Variants in EIF2AK3 observed in about 807,000 individuals in gnomAD.
EIF2AK3 encodes eukaryotic translation initiation factor 2-alpha kinase 3.
In EIF2AK3, 50 loss-of-function variants were observed where a neutral mutation model predicts 113.5. That is an observed-to-expected ratio of 0.44 (90% CI 0.35 to 0.56). The LOEUF (loss-of-function observed/expected upper bound fraction) is 0.56, where lower values mean the gene tolerates loss of function less well. EIF2AK3 is among the 20% of genes least tolerant of loss of function. The probability of loss-of-function intolerance (pLI) is 0.00; values close to 1 mark genes in which losing one functional copy is unlikely to be tolerated. For missense variants in EIF2AK3, 1,185 were observed against 1,378.0 expected (o/e 0.86, Z 2.22); for synonymous variants, 448 against 495.4 (o/e 0.90, Z 1.27).
chr2:88,611,372 G>C (rs1255093640), intron 2 of EIF2AK3, among the ~76,000 whole-genome samples: 1 of 152,124 alleles, frequency 6.6e-6, no homozygotes, highest in Non-Finnish European at 1.5e-5. Context: ...ACAATGCTGG[G>C]AACAACGTTA....
At position 88,586,083 on chromosome 2, in the gene EIF2AK3, CG is replaced by C. The variant is rs111258680; in HGVS notation, c.1430-23del. 3.3e-3 allele frequency: 5,240 copies of C among 1,603,250 alleles called. 141 individuals carry two copies. The African/African-American group carries it at 0.057, about 18-fold the overall frequency. On this transcript the variant is annotated intron_variant, in intron 8 of 16. Transcript: ENST00000303236. ...TTATCTTCAAATAGAAACATTAAAA[CG>C]TTTTTTTTAAAGGTAATCAAAAATA...
At chr2:88,583,652 GA>G in intron 9 of EIF2AK3, 110 bp from the exon 10 acceptor site, 1 of 801,546 alleles carries the variant, frequency 1.2e-6, no homozygotes, top group South Asian at 1.5e-5. Context: ...GTAGCATCAA[GA>G]AAAATAAAAG....
chr2:88,608,453 C>T (rs1221429679), intron 2 of EIF2AK3, among the ~76,000 whole-genome samples: 3 of 152,102 alleles, frequency 2.0e-5, no homozygotes, highest in Non-Finnish European at 4.4e-5. Flanking sequence ...TTTATTGTTA[C>T]CTGGGAGGTG....
intron 10 of EIF2AK3, among the ~76,000 whole-genome samples, chr2:88,582,641 T>C (rs1674628408): frequency 2.0e-5 from 3 of 152,202 alleles, no homozygotes; most frequent in Non-Finnish European, 4.4e-5. Context: ...TATATAAAGA[T>C]ATATGCCTAT....
intron 8 of EIF2AK3, among the ~76,000 whole-genome samples, chr2:88,587,666 T>C (rs912220097): frequency 1.3e-5 from 2 of 152,202 alleles, no homozygotes; most frequent in Admixed American, 1.3e-4. Flanking sequence ...ACGTATGATG[T>C]TAACTGAGAC....
chr2:88,558,595 G>C (rs1334555922), intron 16 of EIF2AK3, among the ~76,000 whole-genome samples: 3 of 152,120 alleles, frequency 2.0e-5, no homozygotes, highest in African/African-American at 4.8e-5. Context: ...AATACTGAAA[G>C]ATAAATTTTG....
intron 3 of EIF2AK3, 127 bp from the exon 4 acceptor site, chr2:88,593,532 A>G: frequency 4.6e-6 from 5 of 1,092,746 alleles, no homozygotes; most frequent in Non-Finnish European, 5.3e-6. Context: ...GAAGTACTCA[A>G]GTCATAAGAA....
At chr2:88,598,411 A>T (rs1436473981) in intron 2 of EIF2AK3, among the ~76,000 whole-genome samples, 9 of 152,208 alleles carry the variant, frequency 5.9e-5, no homozygotes, top group Non-Finnish European at 1.3e-4. Context: ...TAATACCTTG[A>T]TTGGATAACC....
chr2:88,565,496 C>G (rs1414806864), intron 14 of EIF2AK3, among the ~76,000 whole-genome samples: 7 of 151,936 alleles, frequency 4.6e-5, no homozygotes, highest in African/African-American at 2.4e-5. Flanking sequence ...CATACACCAC[C>G]ATGCCCAGCT....
At chr2:88,583,609 G>A (rs1213713951) in intron 9 of EIF2AK3, 67 bp from the exon 10 acceptor site, 1 of 1,139,360 alleles carries the variant, frequency 8.8e-7, no homozygotes, top group Non-Finnish European at 1.3e-6. Flanking sequence ...ACAATTTTAG[G>A]TTATAAAATA....
At chr2:88,582,750 A>T (rs1057335128) in intron 10 of EIF2AK3, among the ~76,000 whole-genome samples, 9 of 152,160 alleles carry the variant, frequency 5.9e-5, no homozygotes, top group African/African-American at 2.2e-4. Context: ...CCATAAAATC[A>T]TTACCCTAGA....
intron 1 of EIF2AK3, among the ~76,000 whole-genome samples, chr2:88,618,341 G>A (rs1199565166): frequency 6.6e-6 from 1 of 152,196 alleles, no homozygotes; most frequent in Non-Finnish European, 1.5e-5. Context: ...AGAATTGAAG[G>A]AACTGCAGAG....
chr2:88,601,834 C>CTTTTT (rs59987968), intron 2 of EIF2AK3, among the ~76,000 whole-genome samples: 22 of 74,862 alleles, frequency 2.9e-4, no homozygotes, highest in African/African-American at 8.5e-4. Flanking sequence ...TAAGATTTTT[C>CTTTTT]TTTTTTTTTT....
Position 88,557,568 on chromosome 2 carries a change from A to G in EIF2AK3, c.*168T>C. The G allele has an allele frequency of 1.4e-6, 1 of 718,484 alleles. No individual in the cohort carries two copies. The highest frequency in any genetic ancestry group is 2.6e-5 in the East Asian group (1 of 37,798). 44.5% of individuals were successfully genotyped at this position (718,484 alleles called of 1,614,324 possible). A position where few individuals can be genotyped will look rare whatever the true frequency, so the allele number is the denominator to read the frequency against. On this transcript the variant is annotated 3_prime_UTR_variant, in exon 17 of 17. Transcript: ENST00000303236. ...TATAGCAAAACTCAGGAGTTGGCTC[A>G]AATTAGGTTATGCCCCCAAATCCAG... is the stretch of plus-strand genomic sequence containing the variant.
chr2:88,585,360 T>C (rs1006162868), intron 9 of EIF2AK3, among the ~76,000 whole-genome samples: 2 of 151,986 alleles, frequency 1.3e-5, no homozygotes, highest in African/African-American at 4.8e-5. Flanking sequence ...GTCTGAGATA[T>C]GGCTCATTTG....
At chr2:88,604,208 G>A (rs1675217510) in intron 2 of EIF2AK3, among the ~76,000 whole-genome samples, 1 of 152,092 alleles carries the variant, frequency 6.6e-6, no homozygotes, top group South Asian at 2.1e-4. Context: ...AATCTGGAAT[G>A]TCTAACATAG....
chr2:88,608,800 C>A (rs1266039539), intron 2 of EIF2AK3, among the ~76,000 whole-genome samples: 1 of 148,366 alleles, frequency 6.7e-6, no homozygotes, highest in Non-Finnish European at 1.5e-5. Context: ...CTCCGTCTCC[C>A]AGGCCCAAGT....
intron 2 of EIF2AK3, among the ~76,000 whole-genome samples, chr2:88,607,059 T>TAC (rs1675295544): frequency 6.6e-6 from 1 of 152,206 alleles, no homozygotes; most frequent in Non-Finnish European, 1.5e-5. Flanking sequence ...TAGTTATATA[T>TAC]ACACAATTAC....
intron 11 of EIF2AK3, 107 bp downstream of exon 11, chr2:88,579,411 A>T: frequency 6.8e-7 from 1 of 1,462,900 alleles, no homozygotes; most frequent in Non-Finnish European, 9.5e-7. Flanking sequence ...GAAACGTCTG[A>T]AACTGTTTTC....
Sources: allele counts gnomAD v4.1 joint callset (sites outside exome capture counted in the v4.1 genomes callset), GRCh38; gene constraint gnomAD v4.1.1; transcripts MANE v1.5; gene names NCBI Gene and HGNC (gene_info 2026-07-23, HGNC 2026-07-21).